The following SLIT3 variants were observed in gnomAD, a reference collection of about 807,000 sequenced individuals.
SLIT3 encodes slit guidance ligand 3.
A neutral mutation model predicts 184.0 loss-of-function variants in SLIT3; 68 were observed. The observed-to-expected ratio is 0.37, with a 90% CI of 0.30 to 0.45. The LOEUF (loss-of-function observed/expected upper bound fraction) is 0.45. SLIT3 is among the 20% of genes least tolerant of loss of function. The pLI, the probability that SLIT3 is intolerant of heterozygous loss-of-function variation, is 1.00. For synonymous variants in SLIT3, 831 were observed against 828.6 expected (o/e 1.00, Z -0.05); for missense variants, 1,707 against 2,026.0 (o/e 0.84, Z 3.02).
intron 4 of SLIT3, among the ~76,000 whole-genome samples, chr5:168,998,897 G>GTT (rs1554088829): frequency 1.4e-5 from 2 of 140,082 alleles, no homozygotes; most frequent in Non-Finnish European, 3.3e-5. Context: ...AGAAATCTGT[G>GTT]TGTGTGTGTG....
intron 4 of SLIT3, among the ~76,000 whole-genome samples, chr5:169,137,331 C>CAGAGAGAG (rs766822479): frequency 0.13 from 17,265 of 130,336 alleles, 1,265 homozygotes; most frequent in Middle Eastern, 0.22. Flanking sequence ...CACACACACA[C>CAGAGAGAG]ACACAGAGAG....
chr5:168,757,060 T>G (rs1459457352), intron 16 of SLIT3, among the ~76,000 whole-genome samples: 1 of 152,190 alleles, frequency 6.6e-6, no homozygotes, highest in Non-Finnish European at 1.5e-5. Flanking sequence ...CAGGCAGCAG[T>G]AGCTGAAGGA....
chr5:169,010,202 A>AG (rs1756092528), intron 4 of SLIT3, among the ~76,000 whole-genome samples: 1 of 152,214 alleles, frequency 6.6e-6, no homozygotes. Flanking sequence ...ACCAGAGGTG[A>AG]TTTGGCAGCA....
chr5:168,905,239 G>A (rs985138647), intron 4 of SLIT3, among the ~76,000 whole-genome samples: 4 of 152,104 alleles, frequency 2.6e-5, no homozygotes, highest in African/African-American at 9.7e-5. Context: ...CACCCATGAA[G>A]CACCATAAGA....
chr5:169,243,849 C>G (rs1426483168), intron 3 of SLIT3, among the ~76,000 whole-genome samples: 2 of 152,210 alleles, frequency 1.3e-5, no homozygotes, highest in Non-Finnish European at 2.9e-5. Flanking sequence ...AACCAAGATT[C>G]AGAGAGAACT....
rs768468880 is a variant in SLIT3 at position 168,762,675 on chromosome 5, G to A, written c.1474C>T (p.Arg492Cys). The A allele has an allele frequency of 3.1e-6, 5 of 1,613,810 alleles. No homozygotes were observed. Among genetic ancestry groups the A allele is most frequent in the East Asian group, 2.2e-5 (1 of 44,868 alleles). ...KFRCSGSEDY[R>C]SRFSSECFMD... ...AAGCACTCGCTGCTGAACCTGCTGCGGTAATCCTCGGAGCCTGGGAGGGGC... is the reference window on the plus strand; with the variant it reads ...AAGCACTCGCTGCTGAACCTGCTGCAGTAATCCTCGGAGCCTGGGAGGGGC... Residue 492 changes from arginine to cysteine, a missense_variant, in exon 15 of 36, where the codon CGC becomes TGC. Around this residue, in one of 3 missense-constraint regions of SLIT3, gnomAD observed 1,307 missense variants for 1,511.6 expected, o/e 0.86. Coordinates refer to ENST00000519560, the MANE Select transcript of SLIT3 (RefSeq NM_003062.4).
intron 4 of SLIT3, among the ~76,000 whole-genome samples, chr5:168,962,204 A>C (rs982393127): frequency 6.6e-6 from 1 of 152,032 alleles, no homozygotes; most frequent in Non-Finnish European, 1.5e-5. Context: ...GGCTGGTCAC[A>C]CTGGAGATGC....
At chr5:168,899,369 C>T (rs999442087) in intron 4 of SLIT3, among the ~76,000 whole-genome samples, 15 of 152,044 alleles carry the variant, frequency 9.9e-5, no homozygotes, top group Non-Finnish European at 1.8e-4. Context: ...TAAAAAATAG[C>T]CGGGCATGGT....
intron 4 of SLIT3, among the ~76,000 whole-genome samples, chr5:169,063,897 T>G (rs1367231177): frequency 6.6e-6 from 1 of 152,218 alleles, no homozygotes; most frequent in Non-Finnish European, 1.5e-5. Flanking sequence ...CCTCTCAACA[T>G]AAATTCTGAC....
At chr5:168,799,120 C>T (rs1193034348) in intron 9 of SLIT3, among the ~76,000 whole-genome samples, 1 of 152,178 alleles carries the variant, frequency 6.6e-6, no homozygotes, top group African/African-American at 2.4e-5. Context: ...AGTGTGCACA[C>T]ATGTGTGCAG....
At chr5:168,897,647 T>TACAC (rs60243688) in intron 4 of SLIT3, among the ~76,000 whole-genome samples, 382 of 141,522 alleles carry the variant, frequency 2.7e-3, no homozygotes, top group African/African-American at 9.3e-3. Context: ...CAGGTGCACG[T>TACAC]ACACACACAC....
chr5:169,011,368 TC>T (rs1756144560), intron 4 of SLIT3, among the ~76,000 whole-genome samples: 1 of 152,162 alleles, frequency 6.6e-6, no homozygotes, highest in African/African-American at 2.4e-5. Flanking sequence ...GCTTGTGGCT[TC>T]TAGGCAAAAT....
At chr5:168,723,033 C>CT (rs1431153709) in intron 21 of SLIT3, 29 bp from the exon 22 acceptor site, 1 of 1,581,570 alleles carries the variant, frequency 6.3e-7, no homozygotes, top group South Asian at 1.1e-5. Context: ...AGGGGTCATG[C>CT]TTTTGTCTTA....
At chr5:169,006,568 T>C (rs2113440584) in intron 4 of SLIT3, among the ~76,000 whole-genome samples, 1 of 147,296 alleles carries the variant, frequency 6.8e-6, no homozygotes, top group East Asian at 2.1e-4. Flanking sequence ...TTTCTCTCTC[T>C]TTCCCCCTCT....
chr5:169,020,916 C>A (rs1180105610), intron 4 of SLIT3, among the ~76,000 whole-genome samples: 2 of 152,188 alleles, frequency 1.3e-5, no homozygotes. Context: ...GCAAGATAAC[C>A]CTTCCTCCAG....
chr5:168,795,624 A>G, intron 9 of SLIT3, 46 bp from the exon 10 acceptor site: 1 of 1,461,196 alleles, frequency 6.8e-7, no homozygotes, highest in Non-Finnish European at 9.6e-7. Flanking sequence ...CCACCTGTCA[A>G]CAAGTGGTCA....
chr5:168,852,486 T>C (rs1383641779), intron 5 of SLIT3, among the ~76,000 whole-genome samples: 5 of 152,172 alleles, frequency 3.3e-5, no homozygotes, highest in Non-Finnish European at 5.9e-5. Context: ...GAGATGTTAG[T>C]TTTCATTCAA....
At chr5:169,234,465 G>GGCA (rs1287024722) in intron 3 of SLIT3, among the ~76,000 whole-genome samples, 1 of 152,146 alleles carries the variant, frequency 6.6e-6, no homozygotes, top group Non-Finnish European at 1.5e-5. Flanking sequence ...GGAGTGCAGT[G>GGCA]GCACAATCTT....
chr5:168,786,555 G>A (rs1477452487), intron 11 of SLIT3, among the ~76,000 whole-genome samples: 1 of 152,152 alleles, frequency 6.6e-6, no homozygotes, highest in Non-Finnish European at 1.5e-5. Flanking sequence ...AGTAATGGCA[G>A]CTTTTACTTT....
Sources: gnomAD v4.1 joint callset for allele counts (sites outside exome capture counted in the v4.1 genomes callset) on GRCh38, gnomAD v4.1.1 for gene constraint, gnomAD v4.1.1 regional missense constraint, MANE v1.5 for transcripts, NCBI Gene and HGNC (gene_info 2026-07-23, HGNC 2026-07-21) for gene names.